PIWIL4: variants seen among roughly 807,000 people sequenced by gnomAD.
PIWIL4 encodes the protein piwi-like protein 4.
In PIWIL4, 50 loss-of-function variants were observed where a neutral mutation model predicts 100.9. The ratio of observed to expected loss-of-function variants is 0.50; its 90% confidence interval spans 0.39 to 0.63. The LOEUF is 0.63. PIWIL4 is among the 20% of genes least tolerant of loss of function. PIWIL4 has a pLI of 0.00. For synonymous variants in PIWIL4, 342 were observed against 367.5 expected (o/e 0.93, Z 0.79); for missense variants, 887 against 1,043.3 (o/e 0.85, Z 2.06).
chr11:94,595,174 T>TA (rs11418768), intron 9 of PIWIL4, 135 bp from the exon 10 acceptor site: 22,086 of 639,838 alleles, frequency 0.035, 892 homozygotes, highest in East Asian at 0.13. Context: ...TAAAATGACA[T>TA]ACGTGGTTTT....
At chr11:94,610,157 TATA>T (rs1948772492) in intron 15 of PIWIL4, among the ~76,000 whole-genome samples, 1 of 152,114 alleles carries the variant, frequency 6.6e-6, no homozygotes, top group African/African-American at 2.4e-5. Flanking sequence ...TTTTACTTAA[TATA>T]ATGTCCGTGG....
chr11:94,586,214 G>A (rs1478285629), intron 6 of PIWIL4, among the ~76,000 whole-genome samples: 1 of 151,762 alleles, frequency 6.6e-6, no homozygotes, highest in African/African-American at 2.4e-5. Context: ...CACCCAATTC[G>A]TCCTTGTCAC....
intron 15 of PIWIL4, 33 bp downstream of exon 15, chr11:94,608,719 TTTAG>T (rs764024497): frequency 3.0e-5 from 46 of 1,540,356 alleles, no homozygotes; most frequent in Non-Finnish European, 3.9e-5. Context: ...ACATGCTTCA[TTTAG>T]TTAGACTATT....
chr11:94,598,430 T>C (rs1948587516), intron 11 of PIWIL4, among the ~76,000 whole-genome samples: 1 of 152,162 alleles, frequency 6.6e-6, no homozygotes, highest in South Asian at 2.1e-4. Flanking sequence ...CCAGACATAG[T>C]ACTTGGGGAG....
chr11:94,602,864 G>A (rs1438847444), intron 12 of PIWIL4, among the ~76,000 whole-genome samples: 4 of 152,030 alleles, frequency 2.6e-5, no homozygotes, highest in African/African-American at 9.7e-5. Flanking sequence ...AGTTTCACCC[G>A]CTCTACTTTC....
intron 8 of PIWIL4, among the ~76,000 whole-genome samples, chr11:94,591,990 C>T (rs944580836): frequency 2.6e-5 from 4 of 152,118 alleles, no homozygotes; most frequent in African/African-American, 9.7e-5. Flanking sequence ...TGGAAGATGC[C>T]TTTGTTTTGC....
chr11:94,604,298 T>C (rs1282728343), intron 13 of PIWIL4, among the ~76,000 whole-genome samples: 6 of 152,220 alleles, frequency 3.9e-5, no homozygotes, highest in Non-Finnish European at 8.8e-5. Context: ...TGTCTGCATA[T>C]TTTGCAACTC....
At chr11:94,584,783 C>T (rs956816443) in intron 5 of PIWIL4, among the ~76,000 whole-genome samples, 7 of 152,088 alleles carry the variant, frequency 4.6e-5, no homozygotes, top group Admixed American at 1.3e-4. Context: ...ATAAGATCCT[C>T]GGCTGGGCCG....
At position 94,567,421 on chromosome 11, in the gene PIWIL4, C is replaced by A; in HGVS notation, c.-98C>A. The A allele has an allele frequency of 9.1e-7, 1 of 1,103,816 alleles. No homozygotes were observed. Among genetic ancestry groups the A allele is most frequent in the Non-Finnish European group, 1.2e-6 (1 of 805,786 alleles). 68.4% of individuals were successfully genotyped at this position (1,103,816 alleles called of 1,614,324 possible). ...ATGCTGGACATCCACCGCCTCCAGG[C>A]AGTTTCGCCGTCACACCGTCGCCAT... On this transcript the variant is annotated 5_prime_UTR_variant, in exon 1 of 20. Coordinates refer to ENST00000299001, the MANE Select transcript of PIWIL4 (RefSeq NM_152431.3).
chr11:94,567,851 T>G (rs1009420728), intron 1 of PIWIL4: 1 of 1,084,986 alleles, frequency 9.2e-7, no homozygotes, highest in Non-Finnish European at 1.1e-6. Context: ...GACAAATATG[T>G]CATTCTCTTC....
intron 6 of PIWIL4, 48 bp downstream of exon 6, chr11:94,585,573 G>A (rs1948387858): frequency 7.1e-7 from 1 of 1,406,186 alleles, no homozygotes; most frequent in African/African-American, 1.4e-5. Context: ...TATAATGTGA[G>A]CAACATAATT....
At chr11:94,596,070 G>A (rs1948554654) in intron 10 of PIWIL4, among the ~76,000 whole-genome samples, 1 of 151,982 alleles carries the variant, frequency 6.6e-6, no homozygotes, top group Non-Finnish European at 1.5e-5. Flanking sequence ...AGAAATGACA[G>A]TTTTTTAATC....
intron 8 of PIWIL4, among the ~76,000 whole-genome samples, chr11:94,592,161 G>C (rs1047620391): frequency 6.6e-6 from 1 of 152,152 alleles, no homozygotes; most frequent in Admixed American, 6.5e-5. Flanking sequence ...CAGGGATCCA[G>C]TACTGAGTGG....
At chr11:94,603,474 C>T (rs1369295073) in intron 12 of PIWIL4, among the ~76,000 whole-genome samples, 1 of 152,152 alleles carries the variant, frequency 6.6e-6, no homozygotes, top group African/African-American at 2.4e-5. Flanking sequence ...CTAGACATTC[C>T]AGGCTCCAGA....
rs187747740 is a variant in PIWIL4 at position 94,610,398 on chromosome 11, T to A, written c.1943+1712T>A. Among the ~76,000 whole-genome samples, 17 of 152,266 alleles carry A rather than the reference T, an allele frequency of 1.1e-4. No homozygotes were observed. In the East Asian group the frequency reaches 3.1e-3, roughly 28 times the overall value. On this transcript the variant is annotated intron_variant, in intron 15 of 19. Transcript: ENST00000299001. Reference sequence around the variant, plus strand: ...TTTCTGGATCATATAGTAGTTCTACTTGAAATTTTTTGAGGAACTTCTTTA... The same window carrying A: ...TTTCTGGATCATATAGTAGTTCTACATGAAATTTTTTGAGGAACTTCTTTA...
intron 13 of PIWIL4, among the ~76,000 whole-genome samples, chr11:94,606,572 G>T (rs922975094): frequency 6.6e-6 from 1 of 152,178 alleles, no homozygotes; most frequent in Non-Finnish European, 1.5e-5. Context: ...GCTCACGCCT[G>T]TAATCCCAGC....
intron 7 of PIWIL4, among the ~76,000 whole-genome samples, chr11:94,587,450 G>A (rs533295507): frequency 1.6e-4 from 24 of 152,278 alleles, no homozygotes; most frequent in Non-Finnish European, 2.8e-4. Context: ...CCAAATTCTC[G>A]CTTGCGGTAC....
chr11:94,589,396 A>G (rs1489706358), intron 8 of PIWIL4, among the ~76,000 whole-genome samples, 164 bp downstream of exon 8: 1 of 151,954 alleles, frequency 6.6e-6, no homozygotes, highest in East Asian at 1.9e-4. Context: ...TCTCCTGTTG[A>G]CCCTCATCCT....
intron 4 of PIWIL4, 29 bp downstream of exon 4, chr11:94,577,521 T>C (rs371655641): frequency 3.0e-5 from 46 of 1,548,670 alleles, no homozygotes; most frequent in Non-Finnish European, 3.9e-5. Context: ...TTTTACTGTA[T>C]ATGTGGGTGT....
Sources: allele counts gnomAD v4.1 joint callset (sites outside exome capture counted in the v4.1 genomes callset), GRCh38; gene constraint gnomAD v4.1.1; transcripts MANE v1.5; gene names NCBI Gene and HGNC (gene_info 2026-07-23, HGNC 2026-07-21).